Variants in RARA observed in about 807,000 individuals in gnomAD.
The protein encoded by RARA is PML-DDX5-RARA fusion.
Under a neutral mutation model 42.8 loss-of-function variants are expected in RARA, and 5 were observed. The ratio of observed to expected loss-of-function variants is 0.12; its 90% CI spans 0.06 to 0.25. The LOEUF (loss-of-function observed/expected upper bound fraction) is 0.25. RARA is among the 10% of genes least tolerant of loss of function. The pLI, the probability that RARA is intolerant of heterozygous loss-of-function variation, is 1.00. For synonymous variants in RARA, 256 were observed against 259.5 expected, an observed-to-expected ratio of 0.99 and a Z score of 0.13; for missense variants, 402 against 628.7, an observed-to-expected ratio of 0.64 and a Z score of 3.86.
chr17:40,327,847 C>T (rs2033587826), intron 1 of RARA, among the ~76,000 whole-genome samples: 3 of 152,202 alleles, frequency 2.0e-5, no homozygotes, highest in South Asian at 2.1e-4. Flanking sequence ...CTCCAGTTCC[C>T]GTTGTGTGGG....
chr17:40,319,178 G>A (rs1000886106), intron 1 of RARA, among the ~76,000 whole-genome samples: 1 of 152,162 alleles, frequency 6.6e-6, no homozygotes, highest in African/African-American at 2.4e-5. Flanking sequence ...TGTGGGGTTG[G>A]GGGGACGGCT....
At chr17:40,343,442 G>A (rs1452662106) in intron 2 of RARA, among the ~76,000 whole-genome samples, 5 of 152,164 alleles carry the variant, frequency 3.3e-5, no homozygotes, top group African/African-American at 1.2e-4. Flanking sequence ...TCAGACACCC[G>A]TCTGCCATCC....
intron 2 of RARA, chr17:40,342,936 C>T (rs1417557118): frequency 1.9e-6 from 3 of 1,541,834 alleles, no homozygotes; most frequent in African/African-American, 2.7e-5. Flanking sequence ...CACTACTACT[C>T]GGGGGTGAGA....
chr17:40,343,375 G>A (rs1480615638), intron 2 of RARA, among the ~76,000 whole-genome samples: 1 of 152,188 alleles, frequency 6.6e-6, no homozygotes, highest in East Asian at 1.9e-4. Flanking sequence ...GGGTGTCAGG[G>A]GAGCACTCAG....
chr17:40,348,437 T>C lies in RARA; in HGVS notation c.300T>C (p.Tyr100=). 1 of 1,613,444 alleles carries C rather than the reference T, an allele frequency of 6.2e-7. No homozygotes were observed. The highest frequency in any genetic ancestry group is 8.5e-7 in the Non-Finnish European group (1 of 1,179,668). Residue 100 remains tyrosine, a synonymous_variant, in exon 3 of 9, where the codon TAT becomes TAC. Coordinates refer to ENST00000254066, the MANE Select transcript of RARA (RefSeq NM_000964.4). ...VCQDKSSGYH[Y]GVSACEGCKG... ...AGGACAAGTCCTCAGGCTACCACTA[T>C]GGGGTCAGCGCCTGTGAGGGCTGCA...
chr17:40,357,009 C>T lies in RARA; in HGVS notation c.*783C>T. On this transcript the variant is annotated 3_prime_UTR_variant, in exon 9 of 9. Coordinates refer to ENST00000254066, the MANE Select transcript of RARA (RefSeq NM_000964.4). ...CCAAGGCCTGCCTTCCCCTCCCTCC[C>T]ACTGGAGAAGCCGCCAGCCCCTTTC... 1 of 388,614 alleles carries T rather than the reference C, an allele frequency of 2.6e-6. No individual in the cohort carries two copies. Among genetic ancestry groups the T allele is most frequent in the Admixed American group, 4.4e-5 (1 of 22,806 alleles). 24.1% of individuals were successfully genotyped at this position (388,614 alleles called of 1,614,324 possible).
At chr17:40,316,269 C>T (rs1483805751) in intron 1 of RARA, among the ~76,000 whole-genome samples, 3 of 152,224 alleles carry the variant, frequency 2.0e-5, no homozygotes, top group Non-Finnish European at 2.9e-5. Context: ...CTTCCCTCAT[C>T]CACACATGGG....
chr17:40,339,234 G>A (rs1365609522), intron 2 of RARA, among the ~76,000 whole-genome samples: 1 of 152,134 alleles, frequency 6.6e-6, no homozygotes, highest in Non-Finnish European at 1.5e-5. Context: ...ACCTGGCACT[G>A]GGCCTCATGA....
rs760854493 is a variant in RARA at position 40,356,254 on chromosome 17, C to G, written c.*28C>G. ...GCCCACGCCACATGGACACAGCCCT[C>G]GCCCTCCGCCCCGGCTTTTCTCTGC... On this transcript the variant is annotated 3_prime_UTR_variant, in exon 9 of 9. Coordinates refer to ENST00000254066, the MANE Select transcript of RARA (RefSeq NM_000964.4). The G allele has an allele frequency of 6.5e-7, 1 of 1,541,716 alleles. No homozygotes were observed. The highest frequency in any genetic ancestry group is 2.4e-5 in the East Asian group (1 of 40,872).
rs760015790 is a variant in RARA, at chr17:40,349,894, G to A, written c.438G>A (p.Gln146=). The A allele has an allele frequency of 6.2e-7, 1 of 1,614,252 alleles. No individual in the cohort carries two copies. Among genetic ancestry groups the A allele is most frequent in the Admixed American group, 1.7e-5 (1 of 60,032 alleles). ...TRNRCQYCRL[Q]KCFEVGMSKE... Reference sequence around the variant, plus strand: ...ACCGCTGCCAGTACTGCCGACTGCAGAAGTGCTTTGAAGTGGGCATGTCCA... The same window carrying A: ...ACCGCTGCCAGTACTGCCGACTGCAAAAGTGCTTTGAAGTGGGCATGTCCA... Residue 146 remains glutamine (Q), a synonymous_variant, in exon 4 of 9, where the codon CAG becomes CAA. Transcript: ENST00000254066.
At position 40,357,589 on chromosome 17, in the gene RARA, T is replaced by C; in HGVS notation, c.*1363T>C. The stretch of plus-strand genomic sequence containing the variant: ...TGGAGCCCGTGGGTGCACCTGTTAC[T>C]GTTGGGCTTTCCACTGAGATCTACT... On this transcript the variant is annotated 3_prime_UTR_variant, in exon 9 of 9. Coordinates refer to ENST00000254066, the MANE Select transcript of RARA (RefSeq NM_000964.4). 8.6e-6 allele frequency: 2 copies of C among 231,294 alleles called. No homozygotes were observed. Among genetic ancestry groups the C allele is most frequent in the Non-Finnish European group, 1.7e-5 (2 of 116,770 alleles). 14.3% of individuals were successfully genotyped at this position (231,294 alleles called of 1,614,324 possible).
chr17:40,329,607 A>G (rs1192784054), intron 1 of RARA, among the ~76,000 whole-genome samples: 1 of 152,164 alleles, frequency 6.6e-6, no homozygotes, highest in Non-Finnish European at 1.5e-5. Context: ...GGTGTGAGCC[A>G]CCGCACCCAA....
rs377203949 is a variant in RARA at position 40,354,349 on chromosome 17, C to G, written c.855C>G (p.Thr285=). The G allele has an allele frequency of 3.1e-6, 5 of 1,614,106 alleles. No homozygotes were observed. The highest frequency in any genetic ancestry group is 4.2e-6 in the Non-Finnish European group (5 of 1,180,052). ...ACACGCCCGAGCAGGACACCATGAC[C>G]TTCTCGGACGGGCTGACCCTGAACC... The part of the protein sequence containing the change: ...TRYTPEQDTM[T]FSDGLTLNRT... Residue 285 remains threonine (T), a synonymous_variant, in exon 7 of 9, where the codon ACC becomes ACG. Coordinates refer to ENST00000254066, the MANE Select transcript of RARA (RefSeq NM_000964.4). This position sits in a 1 kb window ranked among gnomAD's most constrained non-coding sequence, Gnocchi z 4.5.
chr17:40,341,946 C>G, intron 2 of RARA: 1 of 1,142,992 alleles, frequency 8.7e-7, no homozygotes, highest in South Asian at 4.4e-5. Flanking sequence ...AGCCTTTCCC[C>G]CTTCCTGCTT....
intron 1 of RARA, among the ~76,000 whole-genome samples, chr17:40,330,576 G>A (rs2143271979): frequency 6.6e-6 from 1 of 152,286 alleles, no homozygotes. Context: ...GATCCCTTGA[G>A]GTGGCACTGT....
chr17:40,348,787 G>T (rs753363500), intron 3 of RARA: 3 of 220,608 alleles, frequency 1.4e-5, no homozygotes, highest in Non-Finnish European at 2.7e-5. Context: ...CTGGCTCTTG[G>T]CTGGGGACCC....
rs1370400494 is a variant in RARA, at chr17:40,355,366, C to T, written c.1116C>T (p.His372=). 3.7e-6 allele frequency: 6 copies of T among 1,613,826 alleles called. No homozygotes were observed. Among genetic ancestry groups the T allele is most frequent in the Non-Finnish European group, 3.4e-6 (4 of 1,179,944 alleles). ...YVRKRRPSRP[H]MFPKMLMKIT... ...GGAAGCGGAGGCCCAGCCGCCCCCA[C>T]ATGTTCCCCAAGATGCTAATGAAGA... Residue 372 remains histidine, a synonymous_variant, in exon 8 of 9, where the codon CAC becomes CAT. Transcript: ENST00000254066. The surrounding 1 kb of genome is among the most constrained non-coding windows in gnomAD (Gnocchi z 4.1).
At position 40,352,552 on chromosome 17, in the gene RARA, G is replaced by T; in HGVS notation, c.807+45G>T. The T allele has an allele frequency of 6.8e-7, 1 of 1,480,046 alleles. No homozygotes were observed. Among genetic ancestry groups the T allele is most frequent in the South Asian group, 1.3e-5 (1 of 76,288 alleles). The allele number at this position is 1,480,046 out of a possible 1,614,324, so 91.7% of individuals were successfully genotyped here. On this transcript the variant is annotated intron_variant, in intron 6 of 8. Coordinates refer to ENST00000254066, the MANE Select transcript of RARA (RefSeq NM_000964.4). This position sits in a 1 kb window ranked among gnomAD's most constrained non-coding sequence, Gnocchi z 4.9. The stretch of plus-strand genomic sequence containing the variant: ...CCCCCAGGCACTGCCCCTGTGTCCT[G>T]GGTAGATGTCCTTCCAGCCAGACAG...
intron 1 of RARA, among the ~76,000 whole-genome samples, chr17:40,322,524 TGTACACACCTACCTTGGA>T (rs1225075428): frequency 6.6e-6 from 1 of 152,094 alleles, no homozygotes; most frequent in East Asian, 1.9e-4. Flanking sequence ...TGTGTCTGTG[TGTACACACCTACCTTGGA>T]GTGGCTTTAT....
Sources: gnomAD v4.1 joint callset for allele counts (sites outside exome capture counted in the v4.1 genomes callset) on GRCh38, gnomAD v4.1.1 for gene constraint, Gnocchi (gnomAD v3.1) non-coding constraint, MANE v1.5 for transcripts, NCBI Gene and HGNC (gene_info 2026-07-23, HGNC 2026-07-21) for gene names.